SPATA13: variants seen among roughly 807,000 people sequenced by gnomAD.
SPATA13 encodes the protein spermatogenesis associated 13.
In SPATA13, 50 loss-of-function variants were observed where a neutral mutation model predicts 104.0. That is an observed-to-expected ratio of 0.48 (90% CI 0.38 to 0.61). SPATA13 has a LOEUF of 0.61. Among genes scored for constraint, SPATA13 ranks in the 20% least tolerant of loss-of-function variants. SPATA13 has a pLI of 0.00. For synonymous variants in SPATA13, 606 were observed against 667.5 expected, an observed-to-expected ratio of 0.91 and a Z score of 1.42; for missense variants, 1,524 against 1,690.6, an observed-to-expected ratio of 0.90 and a Z score of 1.73.
At chr13:24,191,997 A>G (rs1159500691) in intron 1 of SPATA13, among the ~76,000 whole-genome samples, 2 of 152,166 alleles carry the variant, frequency 1.3e-5, no homozygotes, top group African/African-American at 2.4e-5. Context: ...AACAAAAAAG[A>G]AAAATACACG....
rs73455777 is a variant in SPATA13, at chr13:24,305,275, T to A, written c.*2502T>A. 20,192 of 152,236 alleles carry A rather than the reference T, an allele frequency of 0.13. 1,494 individuals carry two copies. Among genetic ancestry groups the A allele is most frequent in the Middle Eastern group, 0.22 (65 of 294 alleles). The allele number at this position is 152,236 out of a possible 1,614,324, so 9.4% of individuals were successfully genotyped here. ...CCACGGACTTCCTAACAGAGACTTATGAATACCAGGATGTGTTTTTGTTAA... is the reference window on the plus strand; with the variant it reads ...CCACGGACTTCCTAACAGAGACTTAAGAATACCAGGATGTGTTTTTGTTAA... On this transcript the variant is annotated 3_prime_UTR_variant, in exon 13 of 13. Transcript: ENST00000382108.
chr13:24,263,260 G>A (rs969624375), intron 4 of SPATA13, among the ~76,000 whole-genome samples: 8 of 152,196 alleles, frequency 5.3e-5, no homozygotes, highest in Admixed American at 4.6e-4. Flanking sequence ...GGGAAAATAG[G>A]AACTTGGGAT....
rs780494087 is a variant in SPATA13, at chr13:24,286,406, T to A, written c.2481+13T>A. The A allele has an allele frequency of 6.2e-7, 1 of 1,606,706 alleles. No individual in the cohort carries two copies. The highest frequency in any genetic ancestry group is 1.1e-5 in the South Asian group (1 of 90,584). On this transcript the variant is annotated intron_variant, in intron 6 of 12. Transcript: ENST00000382108. This position sits in a 1 kb window ranked among gnomAD's most constrained non-coding sequence, Gnocchi z 4.9. ...GAGCTTCGTCAGAGTAAGTGTGGGG[T>A]GCTTGCAGCTTTTCCAAAGTACCTG...
At chr13:24,112,158 G>C (rs1880659233) in intron 3 of SPATA13, among the ~76,000 whole-genome samples, 1 of 152,150 alleles carries the variant, frequency 6.6e-6, no homozygotes, top group Admixed American at 6.5e-5. Flanking sequence ...TTTCCTTTCT[G>C]CACTTCTGCC....
At chr13:24,098,751 A>AC (rs1212091472) in intron 3 of SPATA13, among the ~76,000 whole-genome samples, 2 of 151,708 alleles carry the variant, frequency 1.3e-5, no homozygotes, top group African/African-American at 4.8e-5. Context: ...ACATGGTGAA[A>AC]CCCCGTCTTT....
intron 12 of SPATA13, among the ~76,000 whole-genome samples, chr13:24,301,702 G>C (rs1012552901): frequency 1.3e-5 from 2 of 152,218 alleles, no homozygotes; most frequent in African/African-American, 4.8e-5. Context: ...TCTGAGCCAA[G>C]GCCTTCCTGC....
chr13:24,292,793 T>A (rs1247135282), intron 9 of SPATA13, among the ~76,000 whole-genome samples: 1 of 149,890 alleles, frequency 6.7e-6, no homozygotes, highest in African/African-American at 2.5e-5. Flanking sequence ...AGGTCAGGAG[T>A]TTGAGACCAG....
At chr13:24,122,499 A>T in intron 3 of SPATA13, 1 of 1,607,684 alleles carries the variant, frequency 6.2e-7, no homozygotes, top group South Asian at 1.1e-5. Context: ...GCCCATCTTC[A>T]TCAATATCAT....
At chr13:24,151,403 A>G (rs1882096966) in intron 3 of SPATA13, among the ~76,000 whole-genome samples, 1 of 152,236 alleles carries the variant, frequency 6.6e-6, no homozygotes, top group Non-Finnish European at 1.5e-5. Flanking sequence ...TTAATGATGA[A>G]GTGAAATATG....
chr13:24,188,251 G>A (rs1270451733), intron 1 of SPATA13, among the ~76,000 whole-genome samples: 1 of 151,898 alleles, frequency 6.6e-6, no homozygotes, highest in African/African-American at 2.4e-5. Context: ...TGAGGCAGGA[G>A]AATCAGTTGA....
intron 3 of SPATA13, chr13:24,122,810 T>A (rs1435769516): frequency 2.6e-6 from 2 of 776,272 alleles, no homozygotes; most frequent in African/African-American, 1.7e-5. Context: ...CTCGTTGTCA[T>A]GTCAAACTGT....
rs1881122703 is a variant in SPATA13 at position 24,123,829 on chromosome 13, C to T, written c.-111-98990C>T. 2.0e-5 allele frequency: 16 copies of T among 813,420 alleles called. No homozygotes were observed. The South Asian group carries it at 2.1e-4, about 11-fold the overall frequency. The allele number at this position is 813,420 out of a possible 1,614,324, so 50.4% of individuals were successfully genotyped here. A position where few individuals can be genotyped will look rare whatever the true frequency, so the allele number is the denominator to read the frequency against. On this transcript the variant is annotated intron_variant, in intron 3 of 14. Coordinates refer to the SPATA13 transcript ENST00000424834. The stretch of plus-strand genomic sequence containing the variant: ...CCTTGATTAATAAAAATTACAAAGG[C>T]AGTGAAGGCCCATTGGGGAATATAC...
intron 5 of SPATA13, among the ~76,000 whole-genome samples, chr13:24,285,446 T>C (rs992555765): frequency 1.4e-4 from 22 of 152,156 alleles, no homozygotes; most frequent in African/African-American, 5.1e-4. Context: ...GTTTGCTAGA[T>C]AACTGACCTG....
intron 3 of SPATA13, among the ~76,000 whole-genome samples, chr13:24,109,009 A>G (rs1048881612): frequency 6.6e-6 from 1 of 152,196 alleles, no homozygotes; most frequent in Non-Finnish European, 1.5e-5. Flanking sequence ...CATGTGCTCA[A>G]TGTGCAGGTT....
At chr13:24,140,493 G>A (rs768537088) in intron 3 of SPATA13, among the ~76,000 whole-genome samples, 7 of 152,290 alleles carry the variant, frequency 4.6e-5, no homozygotes, top group African/African-American at 1.7e-4. Context: ...AGCGATTCTG[G>A]AACCCCAAAC....
chr13:24,283,863 A>G (rs1374443409), intron 4 of SPATA13, among the ~76,000 whole-genome samples: 1 of 152,208 alleles, frequency 6.6e-6, no homozygotes, highest in African/African-American at 2.4e-5. Context: ...CAGACTTCCA[A>G]CTAAATTACA....
At chr13:24,171,898 A>G (rs543045237) in intron 1 of SPATA13, among the ~76,000 whole-genome samples, 1 of 152,338 alleles carries the variant, frequency 6.6e-6, no homozygotes, top group African/African-American at 2.4e-5. Flanking sequence ...TGTATCAGCA[A>G]ATACCTCAAA....
At chr13:24,300,768 G>A (rs911538534) in intron 12 of SPATA13, among the ~76,000 whole-genome samples, 1 of 152,186 alleles carries the variant, frequency 6.6e-6, no homozygotes, top group African/African-American at 2.4e-5. Context: ...CCTCCCCCAA[G>A]TGCTGATGGT....
chr13:24,251,593 GC>G, intron 3 of SPATA13, 124 bp from the exon 4 acceptor site: 1 of 1,508,928 alleles, frequency 6.6e-7, no homozygotes, highest in Non-Finnish European at 8.8e-7. Flanking sequence ...GCAACTCGTG[GC>G]AGGATTGGAG....
Sources: allele counts gnomAD v4.1 joint callset (sites outside exome capture counted in the v4.1 genomes callset), GRCh38; gene constraint gnomAD v4.1.1; non-coding constraint Gnocchi (gnomAD v3.1); transcripts MANE v1.5; gene names NCBI Gene and HGNC (gene_info 2026-07-23, HGNC 2026-07-21).